CAPN8: variants seen among roughly 807,000 people sequenced by gnomAD.
CAPN8 encodes the protein calpain 8, also known as calpain-8.
A neutral mutation model predicts 80.9 loss-of-function variants in CAPN8; 87 were observed. The observed-to-expected ratio is 1.07, with a 90% confidence interval of 0.90 to 1.28. The LOEUF is 1.28. Among genes scored for constraint, CAPN8 ranks in the 50% most tolerant of loss-of-function variants. The pLI is 0.00. For missense variants in CAPN8, 757 were observed against 702.0 expected (o/e 1.08, Z -0.89); for synonymous variants, 299 against 273.8 (o/e 1.09, Z -0.91).
At chr1:223,646,688 C>G (rs1418592034) in intron 2 of CAPN8, among the ~76,000 whole-genome samples, 3 of 152,172 alleles carry the variant, frequency 2.0e-5, no homozygotes, top group Non-Finnish European at 4.4e-5. Flanking sequence ...CAGCAGGGTA[C>G]CCCTCGTAAG....
chr1:223,660,282 C>T (rs1004818856), intron 1 of CAPN8, among the ~76,000 whole-genome samples: 1 of 152,156 alleles, frequency 6.6e-6, no homozygotes, highest in African/African-American at 2.4e-5. Context: ...TGCACCAGGG[C>T]CTGCTCATGC....
chr1:223,664,874 A>G (rs1486338055), intron 1 of CAPN8, among the ~76,000 whole-genome samples: 1 of 152,154 alleles, frequency 6.6e-6, no homozygotes, highest in African/African-American at 2.4e-5. Flanking sequence ...AGGAAGGTTG[A>G]GGTTGCAGTG....
intron 10 of CAPN8, among the ~76,000 whole-genome samples, chr1:223,614,732 C>T (rs1430123815): frequency 6.6e-6 from 1 of 152,156 alleles, no homozygotes; most frequent in African/African-American, 2.4e-5. Flanking sequence ...GATAATCCTC[C>T]ATGTCCTCAG....
intron 12 of CAPN8, among the ~76,000 whole-genome samples, chr1:223,558,856 T>C (rs1384820993): frequency 6.7e-6 from 1 of 149,284 alleles, no homozygotes; most frequent in Non-Finnish European, 1.5e-5. Context: ...GTGTGATATA[T>C]ATGTGTGGTG....
chr1:223,653,942 A>G (rs1658407716), intron 2 of CAPN8, among the ~76,000 whole-genome samples: 1 of 152,268 alleles, frequency 6.6e-6, no homozygotes, highest in Admixed American at 6.5e-5. Context: ...AGCACTTATT[A>G]TGACAGCCCA....
At chr1:223,641,566 T>G (rs547276976) in intron 2 of CAPN8, among the ~76,000 whole-genome samples, 58 of 152,290 alleles carry the variant, frequency 3.8e-4, no homozygotes, top group African/African-American at 1.4e-3. Flanking sequence ...CCCATTGCCC[T>G]TAGGAATAAA....
At chr1:223,626,295 C>G (rs1657575693) in intron 5 of CAPN8, among the ~76,000 whole-genome samples, 1 of 152,176 alleles carries the variant, frequency 6.6e-6, no homozygotes, top group Non-Finnish European at 1.5e-5. Context: ...AGCACCCCCT[C>G]TCCCATGCCC....
At chr1:223,623,722 G>T (rs935413043) in intron 6 of CAPN8, among the ~76,000 whole-genome samples, 2 of 152,146 alleles carry the variant, frequency 1.3e-5, no homozygotes, top group African/African-American at 2.4e-5. Flanking sequence ...TGGGCCAGGC[G>T]CAGTGGCTCA....
In CAPN8 at chr1:223,544,072, A is replaced by T. The variant is rs981017178; in HGVS notation, c.2024T>A (p.Leu675His). ...FVACMIRLETLFKLFSLLDED... is the reference protein window; with the variant it reads ...FVACMIRLETHFKLFSLLDED... Reference sequence around the variant, plus strand: ...TGGAGGACAGAGTGACTCACTGAAGAGGGTCTCCAGGCGGATCATACAAGC... The same window carrying T: ...TGGAGGACAGAGTGACTCACTGAAGTGGGTCTCCAGGCGGATCATACAAGC... Residue 675 changes from leucine to histidine, a missense_variant, in exon 19 of 21, where the codon CTC (leucine) becomes CAC (histidine). Leu to His is a moderately conservative substitution (Grantham distance 99). Transcript: ENST00000366872. 2 of 717,910 alleles carry T rather than the reference A, an allele frequency of 2.8e-6. No individual in the cohort carries two copies. Among genetic ancestry groups the T allele is most frequent in the African/African-American group, 3.5e-5 (2 of 57,238 alleles). 44.5% of individuals were successfully genotyped at this position (717,910 alleles called of 1,614,324 possible).
rs1261558140 is a variant in CAPN8 at position 223,545,255 on chromosome 1, G to C, written c.1809C>G (p.Leu603=). ...GTLGAVEFKT[L]WLKIQKYLEI... ...CCAGATACTTCTGAATCTTCAGCCA[G>C]AGCGTCTTGAATTCCACCGCCCCCA... The change falls in exon 17 of 21, where the codon CTC becomes CTG. Residue 603 remains leucine (L), a synonymous_variant. Transcript: ENST00000366872. 2 of 1,551,692 alleles carry C rather than the reference G, an allele frequency of 1.3e-6. No homozygotes were observed. The highest frequency in any genetic ancestry group is 2.4e-5 in the East Asian group (1 of 40,930).
At chr1:223,662,432 G>C (rs953787289) in intron 1 of CAPN8, among the ~76,000 whole-genome samples, 84 of 151,474 alleles carry the variant, frequency 5.5e-4, no homozygotes, top group African/African-American at 2.0e-3. Context: ...CTGGGCAACA[G>C]AGAAAGACTC....
chr1:223,615,766 CAG>C (rs1339859158), intron 10 of CAPN8: 7 of 697,884 alleles, frequency 1.0e-5, no homozygotes, highest in Non-Finnish European at 1.3e-5. Context: ...ATGTTAACAG[CAG>C]AGACTTAAGC....
At chr1:223,642,310 C>A (rs770793860) in intron 2 of CAPN8, among the ~76,000 whole-genome samples, 1 of 152,188 alleles carries the variant, frequency 6.6e-6, no homozygotes, top group African/African-American at 2.4e-5. Flanking sequence ...ACAATGGTAA[C>A]GTGACTCATT....
intron 1 of CAPN8, among the ~76,000 whole-genome samples, chr1:223,656,687 T>TGG (rs1259829729): frequency 1.7e-5 from 2 of 121,040 alleles, no homozygotes; most frequent in East Asian, 3.8e-4. Context: ...TTTTGTTTTT[T>TGG]TTTTTTTTTT....
Position 223,622,807 on chromosome 1 carries a change from A to G in CAPN8, c.899+8T>C. 1.3e-6 allele frequency: 2 copies of G among 1,550,880 alleles called. No homozygotes were observed. Among genetic ancestry groups the G allele is most frequent in the Middle Eastern group, 1.7e-4 (1 of 5,990 alleles). On this transcript the variant is annotated splice_region_variant and intron_variant, in intron 7 of 20. Transcript: ENST00000366872. The stretch of plus-strand genomic sequence containing the variant: ...AGATGACTGGAGAAGCGGGGGAAAA[A>G]AACCTACTCATCGCTCCAGGCTCCC...
intron 7 of CAPN8, chr1:223,622,478 A>G (rs557748938): frequency 1.4e-4 from 38 of 274,292 alleles, no homozygotes; most frequent in Non-Finnish European, 1.4e-4. Flanking sequence ...TGGAGTGGAA[A>G]GAAACAGACT....
At chr1:223,612,396 G>A in intron 10 of CAPN8, 139 bp from the exon 11 acceptor site, 1 of 657,868 alleles carries the variant, frequency 1.5e-6, no homozygotes, top group Non-Finnish European at 2.1e-6. Context: ...AAAGTGAGAA[G>A]CCAGTCAGCA....
chr1:223,655,396 C>T (rs2102736761), intron 1 of CAPN8, among the ~76,000 whole-genome samples: 1 of 152,298 alleles, frequency 6.6e-6, no homozygotes, highest in South Asian at 2.1e-4. Flanking sequence ...CACAATGACA[C>T]ATGCTTTAGT....
chr1:223,652,201 G>C (rs1032760495), intron 2 of CAPN8, among the ~76,000 whole-genome samples: 1 of 152,142 alleles, frequency 6.6e-6, no homozygotes, highest in African/African-American at 2.4e-5. Context: ...AATTAGCTGG[G>C]TGTGGTGGTG....
Sources: gnomAD v4.1 joint callset for allele counts (sites outside exome capture counted in the v4.1 genomes callset) on GRCh38, gnomAD v4.1.1 for gene constraint, MANE v1.5 for transcripts, NCBI Gene and HGNC (gene_info 2026-07-23, HGNC 2026-07-21) for gene names.